BUB3: variants seen among roughly 807,000 people sequenced by gnomAD.
BUB3 encodes the protein BUB3 mitotic checkpoint protein, also known as mitotic checkpoint protein BUB3.
Under a neutral mutation model 39.9 loss-of-function variants are expected in BUB3, and 22 were observed. The ratio of observed to expected loss-of-function variants is 0.55; its 90% confidence interval spans 0.39 to 0.79. The LOEUF (loss-of-function observed/expected upper bound fraction) is 0.79. Ranked by LOEUF, BUB3 falls within the 30% of genes least tolerant of loss-of-function variation. The pLI is 0.00. For synonymous variants in BUB3, 168 were observed against 155.1 expected, an observed-to-expected ratio of 1.08 and a Z score of -0.62; for missense variants, 303 against 415.4, an observed-to-expected ratio of 0.73 and a Z score of 2.35.
intron 1 of BUB3, 92 bp from the exon 2 acceptor site, chr10:123,154,826 C>A (rs1055084208): frequency 8.0e-6 from 11 of 1,376,370 alleles, no homozygotes; most frequent in East Asian, 2.4e-5. Context: ...GTCCTCTCGG[C>A]CCCTCCCTCT....
In BUB3 at chr10:123,163,866, A is replaced by G. The variant is rs1432441676; in HGVS notation, c.*31A>G. ...TTTCATTTACTTAAGTGCCATGTTGATGATAATAAAACAATTCGTACTCCC... is the reference window on the plus strand; with the variant it reads ...TTTCATTTACTTAAGTGCCATGTTGGTGATAATAAAACAATTCGTACTCCC... On this transcript the variant is annotated 3_prime_UTR_variant, in exon 8 of 8. Coordinates refer to ENST00000368865, the MANE Select transcript of BUB3 (RefSeq NM_004725.4). 1 of 1,595,372 alleles carries G rather than the reference A, an allele frequency of 6.3e-7. No homozygotes were observed. Among genetic ancestry groups the G allele is most frequent in the Admixed American group, 1.7e-5 (1 of 59,152 alleles).
In BUB3 at chr10:123,167,164, C is replaced by T. The variant is rs1241980251; in HGVS notation, c.*3329C>T. The T allele has an allele frequency of 6.6e-6, 1 of 152,180 alleles. No individual in the cohort carries two copies. The highest frequency in any genetic ancestry group is 2.4e-5 in the African/African-American group (1 of 41,430). The allele number at this position is 152,180 out of a possible 1,614,324, so 9.4% of individuals were successfully genotyped here. A position where few individuals can be genotyped will look rare whatever the true frequency, so the allele number is the denominator to read the frequency against. ...CACAATCATTTTACCTTTTACCACT[C>T]CCCCAGAAAACACTGGGGTTCTTCT... On this transcript the variant is annotated 3_prime_UTR_variant, in exon 8 of 8. Transcript: ENST00000368865.
rs1844528984 is a variant in BUB3 at position 123,169,772 on chromosome 10, G to A, written c.*5937G>A. 1 of 152,254 alleles carries A rather than the reference G, an allele frequency of 6.6e-6. No homozygotes were observed. The highest frequency in any genetic ancestry group is 2.4e-5 in the African/African-American group (1 of 41,468). The allele number at this position is 152,254 out of a possible 1,614,324, so 9.4% of individuals were successfully genotyped here. A position where few individuals can be genotyped will look rare whatever the true frequency, so the allele number is the denominator to read the frequency against. ...ACAGGTCAGGCAGTGTGATTTGACAGCGTGAATCTTAGAGTCCAGCCTTTG... is the reference window on the plus strand; with the variant it reads ...ACAGGTCAGGCAGTGTGATTTGACAACGTGAATCTTAGAGTCCAGCCTTTG... On this transcript the variant is annotated 3_prime_UTR_variant, in exon 8 of 8. Coordinates refer to ENST00000368865, the MANE Select transcript of BUB3 (RefSeq NM_004725.4).
At position 123,165,014 on chromosome 10, in the gene BUB3, C is replaced by G; in HGVS notation, c.*1179C>G. Reference sequence around the variant, plus strand: ...AGTGAAAACTTGGTGTAAGTCTGAACCCATCTTTTGAAATGTATTTTCTTC... The same window carrying G: ...AGTGAAAACTTGGTGTAAGTCTGAAGCCATCTTTTGAAATGTATTTTCTTC... On this transcript the variant is annotated 3_prime_UTR_variant, in exon 8 of 8. Coordinates refer to ENST00000368865, the MANE Select transcript of BUB3 (RefSeq NM_004725.4). 1 of 1,611,208 alleles carries G rather than the reference C, an allele frequency of 6.2e-7. No homozygotes were observed. Among genetic ancestry groups the G allele is most frequent in the South Asian group, 1.1e-5 (1 of 90,768 alleles).
At chr10:123,154,721 G>C (rs1844323283) in intron 1 of BUB3, 197 bp from the exon 2 acceptor site, 1 of 588,792 alleles carries the variant, frequency 1.7e-6, no homozygotes, top group Non-Finnish European at 2.9e-6. Context: ...GGGCTGGGCC[G>C]GTTTGGGCGC....
In BUB3 at chr10:123,164,642, A is replaced by C; in HGVS notation, c.*807A>C. ...TTGGACCTGTTTCTATCTCTAAATG[A>C]ATTTTTGGAAACATTAATGAGGTTT... is the stretch of plus-strand genomic sequence containing the variant. On this transcript the variant is annotated 3_prime_UTR_variant, in exon 8 of 8. Coordinates refer to ENST00000368865, the MANE Select transcript of BUB3 (RefSeq NM_004725.4). 1 of 994,520 alleles carries C rather than the reference A, an allele frequency of 1.0e-6. No homozygotes were observed. Among genetic ancestry groups the C allele is most frequent in the Non-Finnish European group, 1.2e-6 (1 of 835,900 alleles). The allele number at this position is 994,520 out of a possible 1,614,324, so 61.6% of individuals were successfully genotyped here. A position where few individuals can be genotyped will look rare whatever the true frequency, so the allele number is the denominator to read the frequency against.
Position 123,160,547 on chromosome 10 carries a change from A to G in BUB3, c.558A>G (p.Arg186=). The G allele has an allele frequency of 6.2e-7, 1 of 1,600,532 alleles. No homozygotes were observed. Among genetic ancestry groups the G allele is most frequent in the East Asian group, 2.2e-5 (1 of 44,700 alleles). ...TGAAATACCAGACTCGCTGCATACGAGCGTTTCCAAACAAGCAGGTATTGA... is the reference window on the plus strand; with the variant it reads ...TGAAATACCAGACTCGCTGCATACGGGCGTTTCCAAACAAGCAGGTATTGA... ...SSLKYQTRCI[R]AFPNKQGYVL... The change falls in exon 5 of 8, where the codon CGA becomes CGG. Residue 186 remains arginine, a synonymous_variant. Coordinates refer to ENST00000368865, the MANE Select transcript of BUB3 (RefSeq NM_004725.4).
intron 3 of BUB3, among the ~76,000 whole-genome samples, chr10:123,156,368 A>G (rs781245387): frequency 2.8e-4 from 42 of 152,240 alleles, no homozygotes; most frequent in Non-Finnish European, 5.0e-4. Context: ...ATTTGTTTGC[A>G]TGTGTATTCA....
intron 7 of BUB3, chr10:123,163,074 G>A: frequency 6.5e-6 from 3 of 463,056 alleles, no homozygotes; most frequent in Non-Finnish European, 1.1e-5. Context: ...TCTTGAATAG[G>A]CTCTATTATT....
At chr10:123,156,388 G>C (rs902214844) in intron 3 of BUB3, among the ~76,000 whole-genome samples, 19 of 152,166 alleles carry the variant, frequency 1.2e-4, no homozygotes, top group African/African-American at 4.3e-4. Context: ...ATCAGACATA[G>C]GTATTCTAAG....
chr10:123,162,298 G>A lies in BUB3; in HGVS notation c.639G>A (p.Glu213=). Residue 213 remains glutamate (E), a synonymous_variant, in exon 6 of 8, where the codon GAG becomes GAA. Coordinates refer to ENST00000368865, the MANE Select transcript of BUB3 (RefSeq NM_004725.4). Reference sequence around the variant, plus strand: ...TTGAGTATTTGGACCCAAGCCCTGAGGTACAGAAGAAGAAGTATGCCTTCA... The same window carrying A: ...TTGAGTATTTGGACCCAAGCCCTGAAGTACAGAAGAAGAAGTATGCCTTCA... ...VAVEYLDPSP[E]VQKKKYAFKC... 2 of 1,614,002 alleles carry A rather than the reference G, an allele frequency of 1.2e-6. No homozygotes were observed. Among genetic ancestry groups the A allele is most frequent in the Non-Finnish European group, 1.7e-6 (2 of 1,179,992 alleles).
intron 5 of BUB3, 61 bp from the exon 6 acceptor site, chr10:123,162,175 T>G (rs144668049): frequency 8.7e-6 from 13 of 1,485,806 alleles, no homozygotes; most frequent in Middle Eastern, 3.5e-4. Context: ...ATTTGGGAAT[T>G]AGCACCTTGT....
intron 5 of BUB3, 101 bp downstream of exon 5, chr10:123,160,666 TC>T: frequency 9.0e-7 from 1 of 1,111,808 alleles, no homozygotes; most frequent in African/African-American, 1.6e-5. Context: ...TTTTTTTTTT[TC>T]AGTAGTGATT....
intron 2 of BUB3, 137 bp downstream of exon 2, chr10:123,155,249 A>T (rs1472653847): frequency 9.9e-7 from 1 of 1,007,730 alleles, no homozygotes; most frequent in East Asian, 2.6e-5. Flanking sequence ...TTTCAGGAGC[A>T]TCTGCCTTGA....
chr10:123,164,873 T>G lies in BUB3; in HGVS notation c.*1038T>G. Reference sequence around the variant, plus strand: ...TCAAACTTTAAAATTTATATTAATTTGCAAATGTATGTCTCTGAGTAGGAC... The same window carrying G: ...TCAAACTTTAAAATTTATATTAATTGGCAAATGTATGTCTCTGAGTAGGAC... On this transcript the variant is annotated 3_prime_UTR_variant, in exon 8 of 8. Transcript: ENST00000368865. 7.3e-7 allele frequency: 1 copy of G among 1,366,440 alleles called. No individual in the cohort carries two copies. Among genetic ancestry groups the G allele is most frequent in the Non-Finnish European group, 9.4e-7 (1 of 1,060,452 alleles). The allele number at this position is 1,366,440 out of a possible 1,614,324, so 84.6% of individuals were successfully genotyped here. A position where few individuals can be genotyped will look rare whatever the true frequency, so the allele number is the denominator to read the frequency against.
chr10:123,167,422 A>G lies in BUB3; in HGVS notation c.*3587A>G, dbSNP rs1380468946. 2.0e-5 allele frequency: 3 copies of G among 152,130 alleles called. No homozygotes were observed. Among genetic ancestry groups the G allele is most frequent in the East Asian group, 3.9e-4 (2 of 5,182 alleles). 9.4% of individuals were successfully genotyped at this position (152,130 alleles called of 1,614,324 possible). On this transcript the variant is annotated 3_prime_UTR_variant, in exon 8 of 8. Coordinates refer to ENST00000368865, the MANE Select transcript of BUB3 (RefSeq NM_004725.4). ...CACGTATGAAACACCTCCTGCTTGT[A>G]TACCTTTAGCAGTAGTTCCTCATAT...
chr10:123,160,385 A>G (rs1418980521), intron 4 of BUB3, 22 bp from the exon 5 acceptor site: 4 of 1,487,878 alleles, frequency 2.7e-6, no homozygotes, highest in Non-Finnish European at 1.8e-6. Flanking sequence ...GATTTTTAGC[A>G]AGTTTTGATC....
chr10:123,161,467 A>G (rs1469124502), intron 5 of BUB3, among the ~76,000 whole-genome samples: 3 of 152,178 alleles, frequency 2.0e-5, no homozygotes, highest in Non-Finnish European at 1.5e-5. Context: ...ATATGCTTAC[A>G]TTGTGAACAT....
chr10:123,154,738 G>A (rs1844323665), intron 1 of BUB3, 180 bp from the exon 2 acceptor site: 1 of 648,322 alleles, frequency 1.5e-6, no homozygotes, highest in South Asian at 2.1e-5. Context: ...GCGCGGCGGG[G>A]GCCGGATGAT....
Sources: allele counts gnomAD v4.1 joint callset (sites outside exome capture counted in the v4.1 genomes callset), GRCh38; gene constraint gnomAD v4.1.1; transcripts MANE v1.5; gene names NCBI Gene and HGNC (gene_info 2026-07-23, HGNC 2026-07-21).